DSC2: variants seen among roughly 807,000 people sequenced by gnomAD.
DSC2 encodes desmocollin-2.
Under a neutral mutation model 87.6 loss-of-function variants are expected in DSC2, and 51 were observed. The observed-to-expected ratio is 0.58, with a 90% confidence interval of 0.46 to 0.74. DSC2 has a LOEUF of 0.74. Among genes scored for constraint, DSC2 ranks in the 30% least tolerant of loss-of-function variants. The pLI is 0.00. For synonymous variants in DSC2, 383 were observed against 393.2 expected (o/e 0.97, Z 0.31); for missense variants, 1,066 against 1,089.5 (o/e 0.98, Z 0.30).
chr18:31,097,961 T>C (rs1264778876), intron 1 of DSC2, among the ~76,000 whole-genome samples: 1 of 152,220 alleles, frequency 6.6e-6, no homozygotes, highest in Non-Finnish European at 1.5e-5. Context: ...TACTACTTTA[T>C]GGATACTGTT....
chr18:31,089,698 G>T, intron 4 of DSC2, 104 bp from the exon 5 acceptor site: 2 of 1,102,282 alleles, frequency 1.8e-6, no homozygotes, highest in Non-Finnish European at 2.6e-6. Context: ...TTAAATAATT[G>T]CCCTTAATTT....
intron 2 of DSC2, among the ~76,000 whole-genome samples, 184 bp downstream of exon 2, chr18:31,093,375 G>A (rs1338645176): frequency 6.6e-6 from 1 of 152,166 alleles, no homozygotes; most frequent in Admixed American, 6.5e-5. Context: ...CCACTTATAA[G>A]TGAGAACATG....
chr18:31,065,267 C>G lies in DSC2; in HGVS notation c.*2748G>C, dbSNP rs186731373. ...GGAAAGGTGAATAAGAGCATCATGGCAAGATGTCAGCAGTAAAGCAGAGTG... is the reference window on the plus strand; with the variant it reads ...GGAAAGGTGAATAAGAGCATCATGGGAAGATGTCAGCAGTAAAGCAGAGTG... On this transcript the variant is annotated 3_prime_UTR_variant, in exon 16 of 16. Transcript: ENST00000280904. The G allele has an allele frequency of 2.6e-5, 4 of 152,342 alleles. No individual in the cohort carries two copies. The East Asian group carries it at 7.7e-4, about 29-fold the overall frequency. The allele number at this position is 152,342 out of a possible 1,614,324, so 9.4% of individuals were successfully genotyped here.
rs146754448 is a variant in DSC2 at position 31,089,507 on chromosome 18, C to A, written c.562G>T (p.Val188Leu). The A allele has an allele frequency of 6.2e-7, 1 of 1,613,988 alleles. No homozygotes were observed. The highest frequency in any genetic ancestry group is 8.5e-7 in the Non-Finnish European group (1 of 1,179,968). ...VDQEPRNLFY[V>L]ERDTGNLYCT... ...TACAAGTTTCCAGTGTCTCTCTCCACATAAAATAAATTCCGAGGTTCTTGG... is the reference window on the plus strand; with the variant it reads ...TACAAGTTTCCAGTGTCTCTCTCCAAATAAAATAAATTCCGAGGTTCTTGG... Residue 188 changes from valine (V) to leucine (L), a missense_variant, in exon 5 of 16, where the codon GTG becomes TTG. Val to Leu is a conservative substitution (Grantham distance 32). Transcript: ENST00000280904.
chr18:31,083,340 G>A (rs991631264), intron 7 of DSC2, among the ~76,000 whole-genome samples: 2 of 90,094 alleles, frequency 2.2e-5, no homozygotes, highest in African/African-American at 6.9e-5. Flanking sequence ...TTCAAGCGAG[G>A]CAGGAGAATC....
chr18:31,073,373 G>A (rs200530458), intron 12 of DSC2, among the ~76,000 whole-genome samples: 3 of 147,082 alleles, frequency 2.0e-5, no homozygotes, highest in Admixed American at 6.8e-5. Context: ...ACACACACAC[G>A]CACACACACA....
intron 15 of DSC2, among the ~76,000 whole-genome samples, chr18:31,068,687 T>G (rs112843985): frequency 6.6e-6 from 1 of 152,120 alleles, no homozygotes; most frequent in Non-Finnish European, 1.5e-5. Flanking sequence ...TATTTAGTAA[T>G]TCTTTCAATT....
chr18:31,084,664 GC>G (rs767638796), intron 7 of DSC2, among the ~76,000 whole-genome samples: 68 of 142,188 alleles, frequency 4.8e-4, no homozygotes, highest in Admixed American at 2.5e-3. Flanking sequence ...TTGAGTTTTT[GC>G]TTTTTTTTTT....
At chr18:31,095,541 T>C (rs919091624) in intron 1 of DSC2, among the ~76,000 whole-genome samples, 1 of 152,038 alleles carries the variant, frequency 6.6e-6, no homozygotes. Flanking sequence ...AAGAGTGGGG[T>C]AATGGTTACT....
chr18:31,082,397 T>C lies in DSC2; in HGVS notation c.1104A>G (p.Thr368=). The C allele has an allele frequency of 3.1e-6, 5 of 1,613,656 alleles. No individual in the cohort carries two copies. Among genetic ancestry groups the C allele is most frequent in the Non-Finnish European group, 4.2e-6 (5 of 1,179,972 alleles). Residue 368 remains threonine, a synonymous_variant, in exon 9 of 16, where the codon ACA becomes ACG. Coordinates refer to ENST00000280904, the MANE Select transcript of DSC2 (RefSeq NM_024422.6). ...TSYVTSVEEN[T]VDVEILRVTV... ...TAACTCGTAAGATTTCCACATCAAC[T>C]GTATTTTCTTCCACTGATGTCACAT...
intron 4 of DSC2, among the ~76,000 whole-genome samples, chr18:31,089,986 T>C (rs1987537529): frequency 6.6e-6 from 1 of 152,180 alleles, no homozygotes; most frequent in Non-Finnish European, 1.5e-5. Context: ...GAACCGAGTT[T>C]AAAGTGTACT....
At position 31,101,984 on chromosome 18, in the gene DSC2, G is replaced by C; in HGVS notation, c.-13C>G. ...GGGCTGCCTCCATGGAGAGGGCTCG[G>C]GGCAGGTCGCGGGCCGAGCGTCGGG... On this transcript the variant is annotated 5_prime_UTR_variant, in exon 1 of 16. Coordinates refer to ENST00000280904, the MANE Select transcript of DSC2 (RefSeq NM_024422.6). 3.3e-6 allele frequency: 5 copies of C among 1,510,286 alleles called. No individual in the cohort carries two copies. The highest frequency in any genetic ancestry group is 4.4e-6 in the Non-Finnish European group (5 of 1,134,220). The allele number at this position is 1,510,286 out of a possible 1,614,324, so 93.6% of individuals were successfully genotyped here.
chr18:31,072,825 T>C (rs1033520895), intron 12 of DSC2, among the ~76,000 whole-genome samples: 15 of 152,152 alleles, frequency 9.9e-5, no homozygotes, highest in African/African-American at 3.4e-4. Flanking sequence ...TAAAAACACA[T>C]TGAATTAAGT....
At chr18:31,092,406 C>T (rs1326083452) in intron 2 of DSC2, 106 bp from the exon 3 acceptor site, 7 of 916,292 alleles carry the variant, frequency 7.6e-6, no homozygotes, top group African/African-American at 3.3e-5. Flanking sequence ...ATTCATTATA[C>T]TGACACTTGT....
In DSC2 at chr18:31,102,004, G is replaced by T; in HGVS notation, c.-33C>A. ...GCTCGGGGCAGGTCGCGGGCCGAGCGTCGGGCCGGGGTAGGAGGGCTCCGC... is the reference window on the plus strand; with the variant it reads ...GCTCGGGGCAGGTCGCGGGCCGAGCTTCGGGCCGGGGTAGGAGGGCTCCGC... On this transcript the variant is annotated 5_prime_UTR_variant, in exon 1 of 16. Transcript: ENST00000280904. 6.8e-7 allele frequency: 1 copy of T among 1,475,644 alleles called. No homozygotes were observed. The highest frequency in any genetic ancestry group is 9.0e-7 in the Non-Finnish European group (1 of 1,116,192). The allele number at this position is 1,475,644 out of a possible 1,614,324, so 91.4% of individuals were successfully genotyped here.
intron 3 of DSC2, chr18:31,091,402 G>T (rs1987593039): frequency 1.7e-6 from 1 of 577,106 alleles, no homozygotes; most frequent in Non-Finnish European, 3.2e-6. Context: ...GGAACTGGAA[G>T]CCTAGAAGCA....
At position 31,063,857 on chromosome 18, in the gene DSC2, C is replaced by A. The variant is rs891055685; in HGVS notation, c.*4158G>T. The A allele has an allele frequency of 6.6e-6, 1 of 152,118 alleles. No individual in the cohort carries two copies. The highest frequency in any genetic ancestry group is 1.5e-5 in the Non-Finnish European group (1 of 68,036). 9.4% of individuals were successfully genotyped at this position (152,118 alleles called of 1,614,324 possible). A position where few individuals can be genotyped will look rare whatever the true frequency, so the allele number is the denominator to read the frequency against. ...AACCCCATCATAAGTCAAGAAGCAT[C>A]TGTATTTAAAAGTGATTTTGTGTTT... On this transcript the variant is annotated 3_prime_UTR_variant, in exon 16 of 16. Coordinates refer to ENST00000280904, the MANE Select transcript of DSC2 (RefSeq NM_024422.6).
chr18:31,064,451 C>T lies in DSC2; in HGVS notation c.*3564G>A, dbSNP rs972656320. On this transcript the variant is annotated 3_prime_UTR_variant, in exon 16 of 16. Transcript: ENST00000280904. ...TATTTAATGAATGAAATTGTGTCTA[C>T]AATTCTCAAAAGTTTGGCAGTTTTT... 1 of 152,122 alleles carries T rather than the reference C, an allele frequency of 6.6e-6. No individual in the cohort carries two copies. The highest frequency in any genetic ancestry group is 6.5e-5 in the Admixed American group (1 of 15,272). The allele number at this position is 152,122 out of a possible 1,614,324, so 9.4% of individuals were successfully genotyped here.
At chr18:31,068,397 T>C in intron 15 of DSC2, 185 bp from the exon 16 acceptor site, 2 of 1,554,178 alleles carry the variant, frequency 1.3e-6, no homozygotes, top group Non-Finnish European at 1.8e-6. Flanking sequence ...ACACTATAAA[T>C]TCAGTATAGC....
Sources: allele counts gnomAD v4.1 joint callset (sites outside exome capture counted in the v4.1 genomes callset), GRCh38; gene constraint gnomAD v4.1.1; transcripts MANE v1.5; gene names NCBI Gene and HGNC (gene_info 2026-07-23, HGNC 2026-07-21).